The following ECPAS variants were observed in gnomAD, a reference collection of about 807,000 sequenced individuals.
ECPAS encodes the protein Ecm29 proteasome adaptor and scaffold.
Under a neutral mutation model 255.1 loss-of-function variants are expected in ECPAS, and 70 were observed. The ratio of observed to expected loss-of-function variants is 0.27; its 90% confidence interval spans 0.23 to 0.33. The LOEUF (loss-of-function observed/expected upper bound fraction) is 0.33, where lower values mean the gene tolerates loss of function less well. Ranked by LOEUF, ECPAS falls within the 10% of genes least tolerant of loss-of-function variation. The pLI is 1.00. For missense variants in ECPAS, 1,817 were observed against 2,206.4 expected (o/e 0.82, Z 3.54); for synonymous variants, 784 against 775.0 (o/e 1.01, Z -0.19).
At position 111,407,433 on chromosome 9, in the gene ECPAS, A is replaced by C. The variant is rs1475458214; in HGVS notation, c.2652+1138T>G. ...AAAAAAAAAAAAAAAAAAAAAAAAA[A>C]AAAAACCTAGAAGAAACCCACCTCA... is the stretch of plus-strand genomic sequence containing the variant. On this transcript the variant is annotated intron_variant, in intron 24 of 49. Coordinates refer to ENST00000684092, the MANE Select transcript of ECPAS (RefSeq NM_001364929.1). 3.4e-4 allele frequency among the ~76,000 whole-genome samples: 50 copies of C among 146,702 alleles called. 3 individuals are homozygous for C. Among genetic ancestry groups the C allele is most frequent in the African/African-American group, 1.2e-3 (47 of 40,104 alleles).
At chr9:111,393,550 C>A (rs1253617038) in intron 27 of ECPAS, 130 bp downstream of exon 27, 1 of 658,766 alleles carries the variant, frequency 1.5e-6, no homozygotes, top group Non-Finnish European at 2.6e-6. Flanking sequence ...TTACTACTAA[C>A]AAATAAGGTT....
intron 24 of ECPAS, among the ~76,000 whole-genome samples, chr9:111,399,900 C>T (rs1418011528): frequency 6.6e-6 from 1 of 152,256 alleles, no homozygotes; most frequent in Non-Finnish European, 1.5e-5. Context: ...AAAGCATCAG[C>T]GGCAGTCAGG....
At chr9:111,483,550 C>T (rs1185255126) in intron 1 of ECPAS, 6 of 931,366 alleles carry the variant, frequency 6.4e-6, no homozygotes, top group Non-Finnish European at 7.7e-6. Flanking sequence ...CCATGTTGCG[C>T]CGGGGAGGGA....
chr9:111,423,152 C>A lies in ECPAS; in HGVS notation c.1265+47G>T, dbSNP rs759833528. The stretch of plus-strand genomic sequence containing the variant: ...CATTATTAAATGCCACATAATTTTT[C>A]TCTGTTTACCAACACCATATCTCTC... On this transcript the variant is annotated intron_variant, in intron 13 of 49. Coordinates refer to ENST00000684092, the MANE Select transcript of ECPAS (RefSeq NM_001364929.1). 5.3e-6 allele frequency: 7 copies of A among 1,313,508 alleles called. No individual in the cohort carries two copies. In the South Asian group the frequency reaches 8.1e-5, roughly 15 times the overall value. The allele number at this position is 1,313,508 out of a possible 1,614,324, so 81.4% of individuals were successfully genotyped here. A position where few individuals can be genotyped will look rare whatever the true frequency, so the allele number is the denominator to read the frequency against.
chr9:111,451,688 C>G, intron 2 of ECPAS, 133 bp from the exon 3 acceptor site: 1 of 778,448 alleles, frequency 1.3e-6, no homozygotes, highest in Non-Finnish European at 1.9e-6. Context: ...TAGCCCTATA[C>G]AGATATTTTG....
intron 15 of ECPAS, 29 bp downstream of exon 15, chr9:111,421,892 C>T: frequency 6.2e-7 from 1 of 1,607,788 alleles, no homozygotes; most frequent in African/African-American, 1.3e-5. Flanking sequence ...CCGTATACTA[C>T]CCAGGCTTTG....
At position 111,414,416 on chromosome 9, in the gene ECPAS, C is replaced by G. The variant is rs1335127705; in HGVS notation, c.1987+13G>C. ...GTGCTTCAGTATCTTTCCTTCGCGT[C>G]ACATATTCCTACCTCCAACACCTGC... On this transcript the variant is annotated intron_variant, in intron 19 of 49. Transcript: ENST00000684092. 2.5e-6 allele frequency: 4 copies of G among 1,608,302 alleles called. No individual in the cohort carries two copies. In the South Asian group the frequency reaches 4.4e-5, roughly 18 times the overall value.
chr9:111,450,749 G>A (rs560109061), intron 3 of ECPAS, among the ~76,000 whole-genome samples: 76 of 152,180 alleles, frequency 5.0e-4, no homozygotes, highest in African/African-American at 1.3e-3. Context: ...GCAACAAAGC[G>A]AAACCCTGTC....
In ECPAS at chr9:111,372,484, T is replaced by C. The variant is rs756284374; in HGVS notation, c.4473A>G (p.Lys1491=). The part of the protein sequence containing the change: ...LGMHEIADEE[K]SEKEECNLWT... Reference sequence around the variant, plus strand: ...ATAAATTACATTCTTCTTTTTCGGATTTCTCCTCATCAGCAATTTCATGCA... The same window carrying C: ...ATAAATTACATTCTTCTTTTTCGGACTTCTCCTCATCAGCAATTTCATGCA... Residue 1491 remains lysine (K), a synonymous_variant, in exon 42 of 50, where the codon AAA becomes AAG. Coordinates refer to ENST00000684092, the MANE Select transcript of ECPAS (RefSeq NM_001364929.1). 6.8e-6 allele frequency: 11 copies of C among 1,613,770 alleles called. No individual in the cohort carries two copies. Among genetic ancestry groups the C allele is most frequent in the Non-Finnish European group, 9.3e-6 (11 of 1,179,806 alleles).
At chr9:111,376,045 T>C (rs2098133048) in intron 37 of ECPAS, among the ~76,000 whole-genome samples, 1 of 152,214 alleles carries the variant, frequency 6.6e-6, no homozygotes, top group African/African-American at 2.4e-5. Flanking sequence ...TGCCTTCCTA[T>C]GACTAAAACA....
chr9:111,386,012 T>C (rs1266966018), intron 32 of ECPAS, among the ~76,000 whole-genome samples: 5 of 152,168 alleles, frequency 3.3e-5, no homozygotes, highest in Non-Finnish European at 7.4e-5. Context: ...CAGGCTGGAG[T>C]TCAATGGCAC....
chr9:111,384,196 T>C lies in ECPAS; in HGVS notation c.3681+326A>G, dbSNP rs150644985. Among the ~76,000 whole-genome samples the C allele has an allele frequency of 3.3e-3, 507 of 152,328 alleles. 5 individuals are homozygous for C. Among genetic ancestry groups the C allele is most frequent in the African/African-American group, 0.012 (488 of 41,576 alleles). On this transcript the variant is annotated intron_variant, in intron 34 of 49. Transcript: ENST00000684092. ...TCAAAAAGCTTTCCAACCTCACAAA[T>C]ATGAAAGGTAGCTTTATATATAAAC...
intron 3 of ECPAS, 78 bp downstream of exon 3, chr9:111,451,347 T>C: frequency 7.2e-7 from 1 of 1,393,074 alleles, no homozygotes; most frequent in African/African-American, 1.5e-5. Flanking sequence ...AACTCAATAA[T>C]GGGAACAGAA....
rs765725472 is a variant in ECPAS, at chr9:111,410,993, A to G, written c.2364T>C (p.Ala788=). 5.6e-6 allele frequency: 9 copies of G among 1,613,728 alleles called. No individual in the cohort carries two copies. The African/African-American group carries it at 1.2e-4, about 22-fold the overall frequency. ...GACATTAATTACCTATTGTTTCTGT[A>G]GCACTCTGAATGAGTTCCTCTTGAT... ...LPDQEELIQS[A]TETIGSFLDS... Residue 788 remains alanine, a synonymous_variant, in exon 22 of 50, where the codon GCT becomes GCC. Coordinates refer to ENST00000684092, the MANE Select transcript of ECPAS (RefSeq NM_001364929.1).
At chr9:111,363,911 C>T (rs1205701505) in intron 48 of ECPAS, among the ~76,000 whole-genome samples, 1 of 152,058 alleles carries the variant, frequency 6.6e-6, no homozygotes, top group Admixed American at 6.6e-5. Context: ...CAACAAATGG[C>T]AATATTTAAA....
chr9:111,433,287 TCA>T lies in ECPAS; in HGVS notation c.792_793del (p.Ser264ArgfsTer22). The T allele has an allele frequency of 1.9e-6, 3 of 1,613,976 alleles. No homozygotes were observed. Among genetic ancestry groups the T allele is most frequent in the Non-Finnish European group, 2.5e-6 (3 of 1,179,858 alleles). ...TGCCGTTGCCACACTGTGGCGTGTA[TCA>T]CTAGAGGCAATCACCAAGTGGAGAA... On this transcript the variant is annotated frameshift_variant, in exon 8 of 50. Transcript: ENST00000684092. LOFTEE classifies it high-confidence loss of function.
At chr9:111,440,128 CT>C (rs1458176250) in intron 6 of ECPAS, among the ~76,000 whole-genome samples, 2 of 151,886 alleles carry the variant, frequency 1.3e-5, no homozygotes, top group African/African-American at 4.8e-5. Flanking sequence ...CTAACAGGAA[CT>C]ATTTTTATGG....
In ECPAS at chr9:111,427,211, C is replaced by T. The variant is rs1451550134; in HGVS notation, c.1050+831G>A. 2.7e-5 allele frequency among the ~76,000 whole-genome samples: 4 copies of T among 149,678 alleles called. No individual in the cohort carries two copies. In the East Asian group the frequency reaches 7.8e-4, roughly 29 times the overall value. ...AAAACAGACTGAATGTGGGCCAAGACTAGAGGCAGGAAGGTAAGTTAAAAG... is the reference window on the plus strand; with the variant it reads ...AAAACAGACTGAATGTGGGCCAAGATTAGAGGCAGGAAGGTAAGTTAAAAG... On this transcript the variant is annotated intron_variant, in intron 10 of 49. Coordinates refer to ENST00000684092, the MANE Select transcript of ECPAS (RefSeq NM_001364929.1).
At chr9:111,389,455 C>A in intron 31 of ECPAS, 101 bp downstream of exon 31, 1 of 1,066,342 alleles carries the variant, frequency 9.4e-7, no homozygotes, top group Non-Finnish European at 1.3e-6. Context: ...AACAAGTAAA[C>A]ATAAAAAGTA....
Sources: gnomAD v4.1 joint callset for allele counts (sites outside exome capture counted in the v4.1 genomes callset) on GRCh38, gnomAD v4.1.1 for gene constraint, MANE v1.5 for transcripts, NCBI Gene and HGNC (gene_info 2026-07-23, HGNC 2026-07-21) for gene names.